VWA3A: variants seen among roughly 807,000 people sequenced by gnomAD.
VWA3A encodes von Willebrand factor A domain containing 3A, also known as von Willebrand factor A domain-containing protein 3A.
A neutral mutation model predicts 160.4 loss-of-function variants in VWA3A; 134 were observed. The ratio of observed to expected loss-of-function variants is 0.84; its 90% CI spans 0.73 to 0.96. VWA3A has a LOEUF of 0.96. Ranked by LOEUF, VWA3A falls within the 40% of genes least tolerant of loss-of-function variation. VWA3A has a pLI of 0.00. For missense variants in VWA3A, 1,310 were observed against 1,447.9 expected (o/e 0.90, Z 1.55); for synonymous variants, 476 against 543.4 (o/e 0.88, Z 1.72).
chr16:22,112,438 G>T (rs1374448549), intron 8 of VWA3A, among the ~76,000 whole-genome samples: 1 of 152,204 alleles, frequency 6.6e-6, no homozygotes, highest in Non-Finnish European at 1.5e-5. Flanking sequence ...ACATGCTTTG[G>T]CCAGGGCCAG....
At chr16:22,126,687 C>A (rs1598076849) in intron 17 of VWA3A, among the ~76,000 whole-genome samples, 1 of 152,054 alleles carries the variant, frequency 6.6e-6, no homozygotes, top group East Asian at 1.9e-4. Context: ...ATTTAGGATT[C>A]CAATTCTGAA....
rs750079006 is a variant in VWA3A, at chr16:22,148,148, C to T, written c.2840-14C>T. 3 of 1,589,404 alleles carry T rather than the reference C, an allele frequency of 1.9e-6. No homozygotes were observed. Among genetic ancestry groups the T allele is most frequent in the African/African-American group, 2.7e-5 (2 of 74,356 alleles). On this transcript the variant is annotated splice_polypyrimidine_tract_variant and intron_variant, in intron 27 of 33. Transcript: ENST00000389398. ...CACTCCCTCCCTGCCTCTTCCCCAC[C>T]TGTCTCGGAGCAGGGAGCCGCCGAC...
chr16:22,100,183 T>A lies in VWA3A; in HGVS notation c.226-11T>A. On this transcript the variant is annotated splice_polypyrimidine_tract_variant and intron_variant, in intron 3 of 33. Transcript: ENST00000389398. The stretch of plus-strand genomic sequence containing the variant: ...CCACTTCACGGTTTGACTCTGGCTT[T>A]TGTCTTGCAGAGGCTGCAGGGGAGT... 2.0e-6 allele frequency: 3 copies of A among 1,535,940 alleles called. No homozygotes were observed. Among genetic ancestry groups the A allele is most frequent in the Non-Finnish European group, 2.6e-6 (3 of 1,141,224 alleles).
chr16:22,109,451 G>T, intron 6 of VWA3A, 31 bp from the exon 7 acceptor site: 2 of 1,543,072 alleles, frequency 1.3e-6, no homozygotes, highest in Non-Finnish European at 1.8e-6. Flanking sequence ...GACTTGCACT[G>T]GCTGTTTCCA....
At chr16:22,132,382 CAA>C (rs775248257) in intron 19 of VWA3A, among the ~76,000 whole-genome samples, 12 of 115,166 alleles carry the variant, frequency 1.0e-4, no homozygotes, top group African/African-American at 9.8e-5. Context: ...AACTCCATCT[CAA>C]AAAAAAAAAA....
At chr16:22,155,103 G>A (rs139144016) in intron 31 of VWA3A, among the ~76,000 whole-genome samples, 6 of 151,628 alleles carry the variant, frequency 4.0e-5, no homozygotes, top group African/African-American at 1.2e-4. Flanking sequence ...ACAGTGAGCC[G>A]TGATCACGCC....
intron 11 of VWA3A, among the ~76,000 whole-genome samples, chr16:22,117,537 G>A (rs927599771): frequency 2.0e-5 from 3 of 152,126 alleles, no homozygotes; most frequent in African/African-American, 4.8e-5. Context: ...AGTCTGAATT[G>A]CCTCGATTTT....
intron 26 of VWA3A, among the ~76,000 whole-genome samples, chr16:22,145,392 A>C (rs974268485): frequency 7.9e-5 from 12 of 152,152 alleles, no homozygotes; most frequent in African/African-American, 2.9e-4. Context: ...TAGTCCCAGA[A>C]CTTTGGGAGG....
At chr16:22,131,380 T>G in intron 18 of VWA3A, 101 bp downstream of exon 18, 2 of 1,468,680 alleles carry the variant, frequency 1.4e-6, no homozygotes, top group Non-Finnish European at 1.9e-6. Flanking sequence ...CTCTCTAGAG[T>G]CCCTGACCCC....
Position 22,097,701 on chromosome 16 carries a change from G to A in VWA3A, c.225+6G>A, listed in dbSNP as rs1249280625. ...ACCAGACACAGGACTTACTGGTAAA[G>A]ACCATGGCACTTTAACTGGGTCGTG... On this transcript the variant is annotated splice_donor_region_variant and intron_variant, in intron 3 of 33. Transcript: ENST00000389398. The A allele has an allele frequency of 3.2e-6, 5 of 1,551,194 alleles. No homozygotes were observed. In the East Asian group the frequency reaches 9.8e-5, roughly 30 times the overall value.
At position 22,147,510 on chromosome 16, in the gene VWA3A, A is replaced by T; in HGVS notation, c.2840-652A>T. ...CAGGAGGAGGGAGGAAGGGAGTCCT[A>T]TATAGAGATCCTACAGGTGGCTTTG... On this transcript the variant is annotated intron_variant, in intron 27 of 33. Transcript: ENST00000389398. 4.3e-6 allele frequency: 3 copies of T among 699,928 alleles called. 1 individual carries two copies. The South Asian group carries it at 4.4e-5, about 10-fold the overall frequency. The allele number at this position is 699,928 out of a possible 1,614,324, so 43.4% of individuals were successfully genotyped here. A position where few individuals can be genotyped will look rare whatever the true frequency, so the allele number is the denominator to read the frequency against.
rs1356555799 is a variant in VWA3A, at chr16:22,092,627, T to C, written c.-11T>C. ...GTGCCAGGAGCCCTTCTCCCAAAGA[T>C]GGAGAAATAAATGAAGAAATACAGG... On this transcript the variant is annotated 5_prime_UTR_variant, in exon 1 of 34. An upstream start codon of the reference 5' UTR is lost. Coordinates refer to ENST00000389398, the MANE Select transcript of VWA3A (RefSeq NM_173615.5). 1 of 1,550,116 alleles carries C rather than the reference T, an allele frequency of 6.5e-7. No homozygotes were observed. Among genetic ancestry groups the C allele is most frequent in the Admixed American group, 2.0e-5 (1 of 50,960 alleles).
intron 7 of VWA3A, 129 bp downstream of exon 7, chr16:22,109,709 T>G: frequency 1.4e-6 from 1 of 730,266 alleles, no homozygotes; most frequent in Admixed American, 2.5e-5. Flanking sequence ...CAGTTCACAC[T>G]TAATTAGCAC....
chr16:22,102,290 G>T (rs897174835), intron 5 of VWA3A, among the ~76,000 whole-genome samples: 1 of 152,136 alleles, frequency 6.6e-6, no homozygotes, highest in Non-Finnish European at 1.5e-5. Flanking sequence ...GGTTGAAGCT[G>T]CAGTGAGCCA....
intron 1 of VWA3A, among the ~76,000 whole-genome samples, chr16:22,093,037 TC>T (rs1358917203): frequency 6.6e-6 from 1 of 152,136 alleles, no homozygotes; most frequent in Non-Finnish European, 1.5e-5. Flanking sequence ...GCCTGGTTGT[TC>T]TTTTCCTCTC....
At chr16:22,117,037 T>G (rs779317674) in intron 10 of VWA3A, 74 bp from the exon 11 acceptor site, 3 of 1,508,648 alleles carry the variant, frequency 2.0e-6, no homozygotes, top group Non-Finnish European at 2.7e-6. Context: ...AATTGGGAGG[T>G]TCAGTCAAGG....
In VWA3A at chr16:22,138,514, T is replaced by C. The variant is rs1598094020; in HGVS notation, c.2292+2T>C. Reference sequence around the variant, plus strand: ...ACCGTCCCCCTGGGGGCCAGAATGGTTTGACTCCCCTCCTAATAACACGCA... The same window carrying C: ...ACCGTCCCCCTGGGGGCCAGAATGGCTTGACTCCCCTCCTAATAACACGCA... On this transcript the variant is annotated splice_donor_variant, in intron 22 of 33. Coordinates refer to ENST00000389398, the MANE Select transcript of VWA3A (RefSeq NM_173615.5). LOFTEE classifies it high-confidence loss of function. 6.2e-7 allele frequency: 1 copy of C among 1,613,792 alleles called. No homozygotes were observed. The highest frequency in any genetic ancestry group is 8.5e-7 in the Non-Finnish European group (1 of 1,179,816).
intron 24 of VWA3A, among the ~76,000 whole-genome samples, chr16:22,142,119 C>T (rs1489956317): frequency 2.0e-5 from 3 of 152,130 alleles, no homozygotes; most frequent in Admixed American, 2.0e-4. Flanking sequence ...TCCCTTTCTA[C>T]CTCTCAGCAA....
intron 6 of VWA3A, among the ~76,000 whole-genome samples, chr16:22,108,909 G>A (rs1014447466): frequency 2.0e-5 from 3 of 152,060 alleles, no homozygotes; most frequent in African/African-American, 2.4e-5. Flanking sequence ...GAGTAATACC[G>A]TTTAGAAACA....
Sources: allele counts gnomAD v4.1 joint callset (sites outside exome capture counted in the v4.1 genomes callset), GRCh38; gene constraint gnomAD v4.1.1; transcripts MANE v1.5; gene names NCBI Gene and HGNC (gene_info 2026-07-23, HGNC 2026-07-21).